Variants in COL11A1 observed in about 807,000 individuals in gnomAD.
COL11A1 encodes collagen type XI alpha 1 chain.
In COL11A1, 74 loss-of-function variants were observed where a neutral mutation model predicts 265.2. The ratio of observed to expected loss-of-function variants is 0.28; its 90% CI spans 0.23 to 0.34. COL11A1 has a LOEUF of 0.34. Among genes scored for constraint, COL11A1 ranks in the 10% least tolerant of loss-of-function variants. The probability of loss-of-function intolerance (pLI) is 1.00; values close to 1 mark genes in which losing one functional copy is unlikely to be tolerated. For missense variants in COL11A1, 2,165 were observed against 2,263.6 expected (o/e 0.96, Z 0.88); for synonymous variants, 816 against 727.6 (o/e 1.12, Z -1.96).
Position 102,962,848 on chromosome 1 carries a change from C to T in COL11A1, c.2917-88G>A, listed in dbSNP as rs112756367. On this transcript the variant is annotated intron_variant, in intron 38 of 66. Transcript: ENST00000370096. ...CTCAAAAACAGTATTATTACATTTA[C>T]AAAAGTTTATCATCCTCACTTATTC... 7.0e-4 allele frequency: 843 copies of T among 1,206,670 alleles called. 4 individuals are homozygous for T. In the African/African-American group the frequency reaches 0.012, roughly 17 times the overall value. 74.7% of individuals were successfully genotyped at this position (1,206,670 alleles called of 1,614,324 possible).
chr1:103,007,891 G>A (rs1175962429), intron 15 of COL11A1, among the ~76,000 whole-genome samples: 3 of 140,674 alleles, frequency 2.1e-5, no homozygotes, highest in African/African-American at 7.7e-5. Flanking sequence ...AAAAAAGATT[G>A]TCTACAGGTT....
chr1:102,925,314 G>A (rs1215487296), intron 46 of COL11A1, among the ~76,000 whole-genome samples: 1 of 151,850 alleles, frequency 6.6e-6, no homozygotes, highest in African/African-American at 2.4e-5. Flanking sequence ...ACCTTATCAT[G>A]TTCTATTTCA....
chr1:102,930,190 C>T (rs1570762962), intron 46 of COL11A1, among the ~76,000 whole-genome samples: 1 of 152,002 alleles, frequency 6.6e-6, no homozygotes, highest in African/African-American at 2.4e-5. Context: ...GGGAATACTT[C>T]CAGTTTTTGC....
intron 1 of COL11A1, among the ~76,000 whole-genome samples, chr1:103,097,393 C>T (rs997610924): frequency 6.6e-6 from 1 of 151,884 alleles, no homozygotes; most frequent in Non-Finnish European, 1.5e-5. Flanking sequence ...AAGGCCTTCA[C>T]ATCACTTCCT....
intron 54 of COL11A1, among the ~76,000 whole-genome samples, chr1:102,907,435 A>G (rs148899789): frequency 0.032 from 4,828 of 152,186 alleles, 105 homozygotes; most frequent in Middle Eastern, 0.085. Context: ...ACCTAAATGC[A>G]CTACATAATA....
At chr1:102,933,008 AG>A (rs1657675774) in intron 46 of COL11A1, among the ~76,000 whole-genome samples, 1 of 129,712 alleles carries the variant, frequency 7.7e-6, no homozygotes, top group African/African-American at 2.7e-5. Context: ...TTTTTTTCAA[AG>A]TTTTCAACTT....
intron 4 of COL11A1, among the ~76,000 whole-genome samples, chr1:103,034,293 C>T (rs1386709786): frequency 6.6e-6 from 1 of 151,916 alleles, no homozygotes; most frequent in African/African-American, 2.4e-5. Context: ...ATGTTTTCTG[C>T]CCTTACTTTT....
chr1:102,890,209 A>C lies in COL11A1; in HGVS notation c.4356+242T>G, dbSNP rs1241163. Among the ~76,000 whole-genome samples the C allele has an allele frequency of 0.7, 105,660 of 151,856 alleles. 38,459 individuals are homozygous for C. Among genetic ancestry groups the C allele is most frequent in the Middle Eastern group, 0.84 (246 of 294 alleles). On this transcript the variant is annotated intron_variant, in intron 58 of 66. Coordinates refer to ENST00000370096, the MANE Select transcript of COL11A1 (RefSeq NM_001854.4). Reference sequence around the variant, plus strand: ...ATTTTAGTATAACCATATGCTTTCTACATATGGTTGCTATAATGGAACCTT... The same window carrying C: ...ATTTTAGTATAACCATATGCTTTCTCCATATGGTTGCTATAATGGAACCTT...
intron 1 of COL11A1, among the ~76,000 whole-genome samples, chr1:103,101,109 G>A (rs879240779): frequency 6.6e-6 from 1 of 151,906 alleles, no homozygotes; most frequent in Admixed American, 6.6e-5. Flanking sequence ...TCCAGGGTGA[G>A]TGTTCAAAGA....
At chr1:102,939,382 A>G (rs974011021) in intron 43 of COL11A1, among the ~76,000 whole-genome samples, 1 of 152,188 alleles carries the variant, frequency 6.6e-6, no homozygotes, top group Admixed American at 6.6e-5. Flanking sequence ...ACACTGACAT[A>G]TAAAATCTAT....
rs533762144 is a variant in COL11A1 at position 102,940,406 on chromosome 1, C to T, written c.3305G>A (p.Gly1102Glu). ...PGEKGPQGPA[G>E]RDGVQGPVGL... is the part of the protein sequence containing the mutation. ...AACAGGACCTTGAACTCCATCTCTC[C>T]CTGCAGGCCCTTGGGGACCTTTTTC... The change falls in exon 43 of 67, where the codon GGG (glycine) becomes GAG (glutamate). Residue 1102 changes from glycine to glutamate, a missense_variant. By Grantham distance (98) the Gly-to-Glu change is moderately conservative. Transcript: ENST00000370096. The T allele has an allele frequency of 1.9e-6, 3 of 1,613,966 alleles. No homozygotes were observed. The highest frequency in any genetic ancestry group is 1.7e-5 in the Admixed American group (1 of 59,962).
intron 4 of COL11A1, among the ~76,000 whole-genome samples, chr1:103,054,192 T>A (rs1211073296): frequency 6.6e-6 from 1 of 152,242 alleles, no homozygotes. Flanking sequence ...AAAGTAATTT[T>A]GTTGTTTTAA....
intron 4 of COL11A1, among the ~76,000 whole-genome samples, chr1:103,070,640 T>A (rs541470406): frequency 6.6e-6 from 1 of 152,044 alleles, no homozygotes; most frequent in Admixed American, 6.6e-5. Flanking sequence ...GTTTCACAGC[T>A]GTATACATAA....
At chr1:102,942,914 T>C (rs1278067844) in intron 42 of COL11A1, among the ~76,000 whole-genome samples, 3 of 152,112 alleles carry the variant, frequency 2.0e-5, no homozygotes, top group African/African-American at 7.2e-5. Flanking sequence ...TTATCTTCTT[T>C]TCAGAGATGG....
At chr1:102,929,664 T>C (rs1657136352) in intron 46 of COL11A1, among the ~76,000 whole-genome samples, 1 of 152,048 alleles carries the variant, frequency 6.6e-6, no homozygotes, top group South Asian at 2.1e-4. Flanking sequence ...TGGCATTGAA[T>C]CTGTAAATTA....
At position 103,052,650 on chromosome 1, in the gene COL11A1, G is replaced by C. The variant is rs1423401909; in HGVS notation, c.652-21406C>G. 4.6e-5 allele frequency among the ~76,000 whole-genome samples: 7 copies of C among 152,206 alleles called. No individual in the cohort carries two copies. The East Asian group carries it at 1.2e-3, about 25-fold the overall frequency. On this transcript the variant is annotated intron_variant, in intron 4 of 66. Coordinates refer to ENST00000370096, the MANE Select transcript of COL11A1 (RefSeq NM_001854.4). ...TTTCAACAGAGAATAATCAACTTAA[G>C]TGAACACCTAGCTTTTGAATAACAT...
intron 4 of COL11A1, among the ~76,000 whole-genome samples, chr1:103,046,486 T>C (rs1333106166): frequency 3.3e-5 from 5 of 151,788 alleles, no homozygotes; most frequent in African/African-American, 7.3e-5. Flanking sequence ...TTTGAGTTCA[T>C]TGTAGATTCT....
intron 1 of COL11A1, among the ~76,000 whole-genome samples, chr1:103,087,099 T>A (rs1672935466): frequency 6.6e-6 from 1 of 152,240 alleles, no homozygotes; most frequent in South Asian, 2.1e-4. Flanking sequence ...TGGCTAAATA[T>A]GATATATGAA....
chr1:103,066,572 A>T (rs1226799769), intron 4 of COL11A1, among the ~76,000 whole-genome samples: 4 of 150,474 alleles, frequency 2.7e-5, no homozygotes, highest in African/African-American at 9.7e-5. Flanking sequence ...AAAAAAAAAG[A>T]CTGGAGGCAG....
Sources: gnomAD v4.1 joint callset for allele counts (sites outside exome capture counted in the v4.1 genomes callset) on GRCh38, gnomAD v4.1.1 for gene constraint, MANE v1.5 for transcripts, NCBI Gene and HGNC (gene_info 2026-07-23, HGNC 2026-07-21) for gene names.